IQCB1: variants seen among roughly 807,000 people sequenced by gnomAD.
The protein encoded by IQCB1 is IQ calmodulin-binding motif-containing protein 1.
IQCB1 carries 56 observed loss-of-function variants against 84.4 expected under a neutral mutation model. The observed-to-expected ratio is 0.66, with a 90% confidence interval of 0.54 to 0.83. The LOEUF is 0.83. IQCB1 is among the 40% of genes least tolerant of loss of function. The pLI is 0.00. For synonymous variants in IQCB1, 210 were observed against 234.8 expected (o/e 0.89, Z 0.96); for missense variants, 629 against 682.1 (o/e 0.92, Z 0.87).
chr3:121,827,477 G>C (rs1222102505), intron 4 of IQCB1, among the ~76,000 whole-genome samples: 1 of 151,944 alleles, frequency 6.6e-6, no homozygotes, highest in Non-Finnish European at 1.5e-5. Context: ...TGTGCATTCA[G>C]AAACATGGGA....
intron 7 of IQCB1, among the ~76,000 whole-genome samples, chr3:121,801,810 C>CAT (rs1949418204): frequency 1.1e-5 from 1 of 89,920 alleles, no homozygotes. Context: ...GCTGCAAGGC[C>CAT]TTTTTTTTTT....
chr3:121,790,795 TA>T (rs1948935954), intron 10 of IQCB1, among the ~76,000 whole-genome samples: 1 of 151,794 alleles, frequency 6.6e-6, no homozygotes, highest in Non-Finnish European at 1.5e-5. Flanking sequence ...AAAAAAAAAA[TA>T]AAAAACATTA....
At chr3:121,810,288 T>C (rs574455524) in intron 5 of IQCB1, among the ~76,000 whole-genome samples, 42 of 152,322 alleles carry the variant, frequency 2.8e-4, no homozygotes, top group African/African-American at 9.1e-4. Context: ...ATGTACTATC[T>C]AATTAAAACA....
chr3:121,823,575 A>G (rs1950348681), intron 5 of IQCB1, among the ~76,000 whole-genome samples: 1 of 152,208 alleles, frequency 6.6e-6, no homozygotes, highest in South Asian at 2.1e-4. Flanking sequence ...CAAAAAGAGG[A>G]AAAAAAATTG....
Position 121,770,409 on chromosome 3 carries a change from A to G in IQCB1, c.1733T>C (p.Val578Ala), listed in dbSNP as rs1327521060. ...LGEESGDEID[V>A]PKDELSIELE... ...TTCTATACTAAGCTCATCCTTTGGA[A>G]CATCAATCTCATCTCCAGATTCTTC... is the stretch of plus-strand genomic sequence containing the variant. Residue 578 changes from valine (V) to alanine (A), a missense_variant, in exon 15 of 15, where the codon GTT becomes GCT. Val to Ala is a moderately conservative substitution (Grantham distance 64). Coordinates refer to ENST00000310864, the MANE Select transcript of IQCB1 (RefSeq NM_001023570.4). 1 of 1,614,084 alleles carries G rather than the reference A, an allele frequency of 6.2e-7. No individual in the cohort carries two copies. Among genetic ancestry groups the G allele is most frequent in the Non-Finnish European group, 8.5e-7 (1 of 1,180,036 alleles).
intron 7 of IQCB1, among the ~76,000 whole-genome samples, chr3:121,801,290 GT>G (rs1215535494): frequency 2.6e-5 from 4 of 152,038 alleles, no homozygotes; most frequent in African/African-American, 9.7e-5. Context: ...GGACATTTGA[GT>G]TTTAGCTAGT....
Position 121,794,885 on chromosome 3 carries a change from AT to A in IQCB1, c.986+571del, listed in dbSNP as rs200299253. On this transcript the variant is annotated intron_variant, in intron 10 of 14. Transcript: ENST00000310864. ...CATGAAAAAGTCACCTCTGAAACAG[AT>A]CTTCTTTACCATAAATTACCTAGAA... 1.6e-3 allele frequency among the ~76,000 whole-genome samples: 245 copies of A among 152,244 alleles called. 1 individual carries two copies. Among genetic ancestry groups the A allele is most frequent in the Admixed American group, 4.9e-3 (75 of 15,302 alleles).
chr3:121,789,153 C>G (rs1312666837), intron 11 of IQCB1, among the ~76,000 whole-genome samples: 3 of 152,070 alleles, frequency 2.0e-5, no homozygotes, highest in Non-Finnish European at 4.4e-5. Flanking sequence ...CCAGGTAAAG[C>G]TGGATCCAAT....
In IQCB1 at chr3:121,807,359, A is replaced by G; in HGVS notation, c.572T>C (p.Ile191Thr). 1 of 1,531,018 alleles carries G rather than the reference A, an allele frequency of 6.5e-7. No homozygotes were observed. The highest frequency in any genetic ancestry group is 9.1e-7 in the Non-Finnish European group (1 of 1,104,712). The allele number at this position is 1,531,018 out of a possible 1,614,324, so 94.8% of individuals were successfully genotyped here. The change falls in exon 7 of 15, where the codon ATA (isoleucine) becomes ACA (threonine). Residue 191 changes from isoleucine to threonine, a missense_variant. Transcript: ENST00000310864. Reference protein sequence around the residue: ...GSAVMMMLQNILQINSGDLLR... With the variant: ...GSAVMMMLQNTLQINSGDLLR... ...ACCAAGTCACCTGTTGATCTGTAGT[A>G]TATTCTGTAGCATCATCATGACTGC...
At chr3:121,783,960 T>C (rs543586951) in intron 12 of IQCB1, among the ~76,000 whole-genome samples, 2 of 152,354 alleles carry the variant, frequency 1.3e-5, no homozygotes, top group East Asian at 3.9e-4. Context: ...CCAATGTTCC[T>C]GTCAAGAAGT....
intron 13 of IQCB1, among the ~76,000 whole-genome samples, chr3:121,778,258 T>C (rs1351146150): frequency 2.0e-5 from 3 of 152,180 alleles, no homozygotes; most frequent in Non-Finnish European, 4.4e-5. Context: ...TTGAGTTCCT[T>C]GTAGATTCTA....
intron 5 of IQCB1, among the ~76,000 whole-genome samples, chr3:121,812,412 T>C (rs1234934421): frequency 6.6e-6 from 1 of 152,124 alleles, no homozygotes; most frequent in East Asian, 1.9e-4. Flanking sequence ...AAAACTGGAC[T>C]GAGAATGAGT....
chr3:121,828,281 AT>A (rs1337440195), intron 4 of IQCB1, among the ~76,000 whole-genome samples, 188 bp downstream of exon 4: 1 of 152,146 alleles, frequency 6.6e-6, no homozygotes, highest in African/African-American at 2.4e-5. Context: ...GTGGAGGAAA[AT>A]TTTAGACAGT....
chr3:121,801,478 C>T (rs1949403864), intron 7 of IQCB1, among the ~76,000 whole-genome samples: 1 of 152,052 alleles, frequency 6.6e-6, no homozygotes. Context: ...TCACCCAATA[C>T]AGAAAACTTG....
intron 2 of IQCB1, among the ~76,000 whole-genome samples, chr3:121,833,585 TCTG>T (rs1396669892): frequency 6.6e-6 from 1 of 152,208 alleles, no homozygotes; most frequent in Non-Finnish European, 1.5e-5. Flanking sequence ...AGACATACTC[TCTG>T]CTATTGTTCT....
At chr3:121,810,518 T>A (rs1423222513) in intron 5 of IQCB1, among the ~76,000 whole-genome samples, 1 of 151,826 alleles carries the variant, frequency 6.6e-6, no homozygotes, top group Non-Finnish European at 1.5e-5. Context: ...AAGGATTCTA[T>A]AAATGAAAAT....
chr3:121,800,881 A>G (rs1235532777), intron 7 of IQCB1, among the ~76,000 whole-genome samples: 3 of 151,802 alleles, frequency 2.0e-5, no homozygotes, highest in African/African-American at 7.3e-5. Flanking sequence ...ATTTTTTACT[A>G]TTTCACTATA....
chr3:121,830,078 C>T (rs901241256), intron 2 of IQCB1, among the ~76,000 whole-genome samples: 4 of 151,860 alleles, frequency 2.6e-5, no homozygotes, highest in Admixed American at 6.6e-5. Context: ...CATGGTGGCG[C>T]GTGCCTGTAA....
intron 12 of IQCB1, among the ~76,000 whole-genome samples, chr3:121,783,510 T>C (rs1019697882): frequency 3.3e-5 from 5 of 152,218 alleles, no homozygotes; most frequent in Non-Finnish European, 7.3e-5. Flanking sequence ...TTTCCTTCCT[T>C]GCACATTTTT....
Sources: gnomAD v4.1 joint callset for allele counts (sites outside exome capture counted in the v4.1 genomes callset) on GRCh38, gnomAD v4.1.1 for gene constraint, MANE v1.5 for transcripts, NCBI Gene and HGNC (gene_info 2026-07-23, HGNC 2026-07-21) for gene names.